CCDC150: variants seen among roughly 807,000 people sequenced by gnomAD.
CCDC150 encodes coiled-coil domain containing 150.
In CCDC150, 151 loss-of-function variants were observed where a neutral mutation model predicts 156.5. The observed-to-expected ratio is 0.97, with a 90% CI of 0.85 to 1.10. CCDC150 has a LOEUF of 1.10. Among genes scored for constraint, CCDC150 ranks in the 50% least tolerant of loss-of-function variants. CCDC150 has a pLI of 0.00. For synonymous variants in CCDC150, 452 were observed against 429.4 expected, an observed-to-expected ratio of 1.05 and a Z score of -0.65; for missense variants, 1,312 against 1,268.1, an observed-to-expected ratio of 1.03 and a Z score of -0.53.
At chr2:196,674,181 C>A in intron 9 of CCDC150, 60 bp from the exon 10 acceptor site, 1 of 998,920 alleles carries the variant, frequency 1.0e-6, no homozygotes, top group Middle Eastern at 2.2e-4. Context: ...AATAATAATA[C>A]ATAAGTAAAA....
At chr2:196,713,876 T>C (rs893956363) in intron 17 of CCDC150, among the ~76,000 whole-genome samples, 3 of 152,210 alleles carry the variant, frequency 2.0e-5, no homozygotes, top group African/African-American at 7.2e-5. Flanking sequence ...ATAGAACATT[T>C]GGCGTAACAG....
chr2:196,693,642 C>G (rs936333210), intron 13 of CCDC150, among the ~76,000 whole-genome samples: 3 of 152,066 alleles, frequency 2.0e-5, no homozygotes, highest in African/African-American at 7.2e-5. Context: ...ATTATGTTTT[C>G]TTGCCTTATC....
intron 2 of CCDC150, among the ~76,000 whole-genome samples, chr2:196,648,574 C>A (rs904257572): frequency 6.6e-6 from 1 of 151,988 alleles, no homozygotes; most frequent in African/African-American, 2.4e-5. Context: ...TATCTTTTGC[C>A]AGTCTGTGAG....
At chr2:196,639,842 T>C in intron 1 of CCDC150, 64 bp downstream of exon 1, 1 of 1,464,270 alleles carries the variant, frequency 6.8e-7, no homozygotes, top group Admixed American at 1.9e-5. Flanking sequence ...TCGGCTCAGA[T>C]AAGGACAGTC....
intron 13 of CCDC150, among the ~76,000 whole-genome samples, chr2:196,694,415 A>T (rs1391609788): frequency 1.3e-5 from 2 of 152,152 alleles, no homozygotes; most frequent in African/African-American, 2.4e-5. Flanking sequence ...TACCAGAAGG[A>T]CTTTAACTTA....
chr2:196,644,892 A>G (rs1054747483), intron 1 of CCDC150, among the ~76,000 whole-genome samples: 2 of 151,916 alleles, frequency 1.3e-5, no homozygotes, highest in African/African-American at 2.4e-5. Context: ...AGGCTGGCAG[A>G]TCACTTGAGG....
At chr2:196,715,308 T>G (rs1384418565) in intron 17 of CCDC150, among the ~76,000 whole-genome samples, 1 of 152,150 alleles carries the variant, frequency 6.6e-6, no homozygotes, top group East Asian at 1.9e-4. Flanking sequence ...GCAATACTGC[T>G]TCAAGATATA....
chr2:196,655,455 G>A (rs1350313614), intron 2 of CCDC150, among the ~76,000 whole-genome samples: 1 of 152,156 alleles, frequency 6.6e-6, no homozygotes, highest in East Asian at 1.9e-4. Flanking sequence ...CAAGCTAGGG[G>A]AGAAGTCTTG....
chr2:196,671,519 C>T (rs772542357), intron 8 of CCDC150, among the ~76,000 whole-genome samples: 13 of 151,068 alleles, frequency 8.6e-5, no homozygotes, highest in Non-Finnish European at 1.8e-4. Flanking sequence ...CCTCCACCTC[C>T]TGGGTTCAAG....
intron 1 of CCDC150, among the ~76,000 whole-genome samples, chr2:196,646,126 A>T (rs1258404976): frequency 6.6e-6 from 1 of 152,126 alleles, no homozygotes; most frequent in Non-Finnish European, 1.5e-5. Context: ...CCTACCTGGG[A>T]TGTTGCTCAT....
chr2:196,664,344 A>C (rs937657353), intron 5 of CCDC150, among the ~76,000 whole-genome samples: 4 of 152,318 alleles, frequency 2.6e-5, no homozygotes, highest in African/African-American at 9.6e-5. Context: ...CGATGTTCCC[A>C]TGATGCCCCT....
At chr2:196,719,283 A>T in intron 18 of CCDC150, 2 of 400,112 alleles carry the variant, frequency 5.0e-6, no homozygotes, top group South Asian at 9.2e-5. Flanking sequence ...GAAGCTGCAG[A>T]GTTCACCAAC....
At chr2:196,663,896 T>C (rs1693692100) in intron 5 of CCDC150, among the ~76,000 whole-genome samples, 1 of 152,176 alleles carries the variant, frequency 6.6e-6, no homozygotes. Flanking sequence ...TTAAAAGGAA[T>C]AGCATTCTCT....
chr2:196,666,448 A>T (rs1488513288), intron 6 of CCDC150, among the ~76,000 whole-genome samples: 1 of 152,210 alleles, frequency 6.6e-6, no homozygotes, highest in Non-Finnish European at 1.5e-5. Flanking sequence ...TTAGTTAAAT[A>T]AAAGATTTAT....
intron 8 of CCDC150, among the ~76,000 whole-genome samples, chr2:196,671,427 CTTTTTTTT>C (rs397987214): frequency 3.6e-4 from 39 of 108,652 alleles, no homozygotes; most frequent in African/African-American, 1.2e-3. Flanking sequence ...TTTTCTCTCT[CTTTTTTTT>C]TTTTTTTTTT....
chr2:196,639,865 C>A, intron 1 of CCDC150, 87 bp downstream of exon 1: 2 of 1,172,252 alleles, frequency 1.7e-6, no homozygotes, highest in Non-Finnish European at 2.3e-6. Context: ...CACTCCCTGG[C>A]GCCCTCTCCC....
At chr2:196,723,982 A>T (rs1029371706) in intron 21 of CCDC150, among the ~76,000 whole-genome samples, 7 of 152,236 alleles carry the variant, frequency 4.6e-5, no homozygotes, top group Non-Finnish European at 8.8e-5. Flanking sequence ...AGATTATGGA[A>T]AAGAACTCAA....
At chr2:196,706,324 G>A (rs1369555775) in intron 15 of CCDC150, among the ~76,000 whole-genome samples, 3 of 152,156 alleles carry the variant, frequency 2.0e-5, no homozygotes, top group East Asian at 1.9e-4. Flanking sequence ...GTTTGTTATT[G>A]GTGTATAGGA....
At chr2:196,665,454 TTAAG>T in intron 5 of CCDC150, 109 bp from the exon 6 acceptor site, 1 of 542,598 alleles carries the variant, frequency 1.8e-6, no homozygotes, top group South Asian at 2.7e-5. Context: ...CATAAATGAA[TTAAG>T]ACTGTTTGGG....
Sources: allele counts gnomAD v4.1 joint callset (sites outside exome capture counted in the v4.1 genomes callset), GRCh38; gene constraint gnomAD v4.1.1; transcripts MANE v1.5; gene names NCBI Gene and HGNC (gene_info 2026-07-23, HGNC 2026-07-21).